BIRC6: variants seen among roughly 807,000 people sequenced by gnomAD.
BIRC6 encodes dual E2 ubiquitin-conjugating enzyme/E3 ubiquitin-protein ligase BIRC6.
BIRC6 carries 98 observed loss-of-function variants against 503.3 expected under a neutral mutation model. The observed-to-expected ratio is 0.19, with a 90% CI of 0.17 to 0.23. The LOEUF (loss-of-function observed/expected upper bound fraction) is 0.23, where lower values mean the gene tolerates loss of function less well. BIRC6 is among the 10% of genes least tolerant of loss of function. The pLI is 1.00. For synonymous variants in BIRC6, 2,240 were observed against 2,078.7 expected (o/e 1.08, Z -2.11); for missense variants, 5,360 against 5,806.0 (o/e 0.92, Z 2.50).
At chr2:32,477,067 G>A (rs1030617154) in intron 34 of BIRC6, among the ~76,000 whole-genome samples, 2 of 151,892 alleles carry the variant, frequency 1.3e-5, no homozygotes, top group African/African-American at 2.4e-5. Context: ...AGGATGTTAC[G>A]GTAATATTTA....
rs941450739 is a variant in BIRC6 at position 32,431,061 on chromosome 2, T to C, written c.3219T>C (p.His1073=). 4 of 1,613,404 alleles carry C rather than the reference T, an allele frequency of 2.5e-6. No homozygotes were observed. The African/African-American group carries it at 5.3e-5, about 22-fold the overall frequency. Residue 1073 remains histidine (H), a synonymous_variant, in exon 12 of 74, where the codon CAT becomes CAC. Coordinates refer to ENST00000421745, the MANE Select transcript of BIRC6 (RefSeq NM_016252.4). ...AACACCATGGTGATGCTGCTCAGCATACTCGAACTTGGAAACTACAGACCG... is the reference window on the plus strand; with the variant it reads ...AACACCATGGTGATGCTGCTCAGCACACTCGAACTTGGAAACTACAGACCG... The part of the protein sequence containing the change: ...HQQHHGDAAQ[H]TRTWKLQTDS...
intron 65 of BIRC6, among the ~76,000 whole-genome samples, chr2:32,559,507 A>G (rs1171584094): frequency 5.3e-5 from 8 of 152,348 alleles, no homozygotes. Flanking sequence ...ATAGAATGAA[A>G]GAATTCAAGA....
chr2:32,426,581 G>T (rs1463434890), intron 10 of BIRC6, among the ~76,000 whole-genome samples: 2 of 152,238 alleles, frequency 1.3e-5, no homozygotes, highest in Non-Finnish European at 2.9e-5. Context: ...TCCAGCCTGG[G>T]CAACAGAGCG....
intron 10 of BIRC6, among the ~76,000 whole-genome samples, chr2:32,418,837 A>G (rs1342823205): frequency 1.3e-5 from 2 of 152,192 alleles, no homozygotes; most frequent in Non-Finnish European, 2.9e-5. Context: ...AATCCCAGCT[A>G]CTTGGGAGGC....
At chr2:32,397,641 C>T (rs116617324) in intron 6 of BIRC6, among the ~76,000 whole-genome samples, 71,223 of 141,866 alleles carry the variant, frequency 0.5, 18,300 homozygotes, top group East Asian at 0.66. Flanking sequence ...TATATATATA[C>T]ACACACACAC....
At chr2:32,421,779 G>A (rs176413) in intron 10 of BIRC6, among the ~76,000 whole-genome samples, 95,803 of 152,028 alleles carry the variant, frequency 0.63, 30,671 homozygotes, top group African/African-American at 0.74. Context: ...AGAATGTTCT[G>A]TGTGCACTTG....
At chr2:32,446,763 T>G (rs1223423078) in intron 21 of BIRC6, among the ~76,000 whole-genome samples, 1 of 137,602 alleles carries the variant, frequency 7.3e-6, no homozygotes, top group Non-Finnish European at 1.6e-5. Flanking sequence ...TTTTTTTTTT[T>G]TTTTTTTTAT....
chr2:32,504,806 T>C (rs1010119515), intron 49 of BIRC6, among the ~76,000 whole-genome samples, 199 bp from the exon 50 acceptor site: 2 of 152,220 alleles, frequency 1.3e-5, no homozygotes, highest in African/African-American at 4.8e-5. Context: ...AATGAACTTG[T>C]CACCTTGCCA....
At chr2:32,536,277 G>C (rs2057228458) in intron 61 of BIRC6, among the ~76,000 whole-genome samples, 1 of 152,180 alleles carries the variant, frequency 6.6e-6, no homozygotes, top group South Asian at 2.1e-4. Context: ...TCTGATGGTA[G>C]TTTGTTTTGC....
At chr2:32,588,373 G>A (rs567853601) in intron 66 of BIRC6, among the ~76,000 whole-genome samples, 3 of 152,042 alleles carry the variant, frequency 2.0e-5, no homozygotes, top group African/African-American at 7.2e-5. Context: ...AAATAAATAA[G>A]ATTTTTCTGA....
chr2:32,504,654 G>A (rs1323115473), intron 49 of BIRC6, among the ~76,000 whole-genome samples: 1 of 151,948 alleles, frequency 6.6e-6, no homozygotes, highest in African/African-American at 2.4e-5. Context: ...GCGACAGAGC[G>A]AGACTCCATC....
Position 32,450,186 on chromosome 2 carries a change from C to A in BIRC6, c.4618+1258C>A, listed in dbSNP as rs1055777398. On this transcript the variant is annotated intron_variant, in intron 22 of 73. Coordinates refer to ENST00000421745, the MANE Select transcript of BIRC6 (RefSeq NM_016252.4). ...GACTCAGAACAAGGAATTTAGAAAT[C>A]ATGATATGTCGGCCGGGCACGGTGG... 3.5e-4 allele frequency among the ~76,000 whole-genome samples: 54 copies of A among 152,164 alleles called. 1 individual carries two copies. The highest frequency in any genetic ancestry group is 1.3e-3 in the African/African-American group (52 of 41,440).
rs560251664 is a variant in BIRC6, at chr2:32,480,621, C to CTTTTTTTTTTTTTTT, written c.7409-676_7409-662dup. On this transcript the variant is annotated intron_variant, in intron 37 of 73. Coordinates refer to ENST00000421745, the MANE Select transcript of BIRC6 (RefSeq NM_016252.4). Reference sequence around the variant, plus strand: ...CATAACAGAAAAATAAGGTAAATGGCTTTTTTTTTTTTTTTTTTTTTTTTT... The same window carrying CTTTTTTTTTTTTTTT: ...CATAACAGAAAAATAAGGTAAATGGCTTTTTTTTTTTTTTTTTTTTTTTTTTTTTTTTTTTTTTTT... Among the ~76,000 whole-genome samples, 29 of 60,740 alleles carry CTTTTTTTTTTTTTTT rather than the reference C, an allele frequency of 4.8e-4. 3 individuals carry two copies. Among genetic ancestry groups the CTTTTTTTTTTTTTTT allele is most frequent in the East Asian group, 2.5e-3 (2 of 816 alleles). 39.8% of individuals were successfully genotyped at this position (60,740 alleles called of 152,430 possible).
rs2048325869 is a variant in BIRC6 at position 32,464,563 on chromosome 2, G to T, written c.4996G>T (p.Ala1666Ser). The T allele has an allele frequency of 1.9e-6, 3 of 1,606,844 alleles. No individual in the cohort carries two copies. Among genetic ancestry groups the T allele is most frequent in the Non-Finnish European group, 2.6e-6 (3 of 1,176,020 alleles). ...HQTTAAAAAA[A>S]SAVGPVHNSV... ...GACAACAGCTGCAGCAGCTGCAGCA[G>T]CATCAGCAGTAGGTCCTGTTCACAA... The change falls in exon 25 of 74, where the codon GCA becomes TCA. Residue 1666 changes from alanine (A) to serine (S), a missense_variant. Ala to Ser is a moderately conservative substitution (Grantham distance 99, BLOSUM62 1). Coordinates refer to ENST00000421745, the MANE Select transcript of BIRC6 (RefSeq NM_016252.4).
intron 57 of BIRC6, chr2:32,523,144 C>G (rs1041470259): frequency 1.3e-5 from 2 of 151,500 alleles, no homozygotes; most frequent in East Asian, 3.8e-4. Flanking sequence ...CTTATAATTC[C>G]AGAAGTGGAA....
At position 32,361,256 on chromosome 2, in the gene BIRC6, C is replaced by T. The variant is rs184601447; in HGVS notation, c.325+3770C>T. ...AGCCCTAATATATACAGTATAAACT[C>T]GAGTATTTTTGATTGGATGCATATA... On this transcript the variant is annotated intron_variant, in intron 1 of 73. Transcript: ENST00000421745. Among the ~76,000 whole-genome samples the T allele has an allele frequency of 7.5e-3, 1,138 of 152,104 alleles. 8 individuals carry two copies. The highest frequency in any genetic ancestry group is 0.012 in the Non-Finnish European group (786 of 67,980).
intron 61 of BIRC6, among the ~76,000 whole-genome samples, chr2:32,540,018 C>G (rs1209311557): frequency 6.6e-6 from 1 of 151,852 alleles, no homozygotes; most frequent in Non-Finnish European, 1.5e-5. Flanking sequence ...AACTTTATGC[C>G]AACATATTTG....
chr2:32,368,789 T>G (rs1294972333), intron 1 of BIRC6, among the ~76,000 whole-genome samples: 1 of 152,024 alleles, frequency 6.6e-6, no homozygotes, highest in Admixed American at 6.6e-5. Context: ...GCAGCTGGGA[T>G]TACAGGTGTG....
chr2:32,418,937 G>A (rs1331996992), intron 10 of BIRC6, among the ~76,000 whole-genome samples: 1 of 152,200 alleles, frequency 6.6e-6, no homozygotes, highest in Non-Finnish European at 1.5e-5. Context: ...TACCGAGCAA[G>A]ATTCCATCTC....
Sources: allele counts gnomAD v4.1 joint callset (sites outside exome capture counted in the v4.1 genomes callset), GRCh38; gene constraint gnomAD v4.1.1; transcripts MANE v1.5; gene names NCBI Gene and HGNC (gene_info 2026-07-23, HGNC 2026-07-21).